The following ANKS1B variants were observed in gnomAD, a reference collection of about 807,000 sequenced individuals.
ANKS1B encodes ankyrin repeat and sterile alpha motif domain-containing protein 1B.
ANKS1B carries 36 observed loss-of-function variants against 148.3 expected under a neutral mutation model. The observed-to-expected ratio is 0.24, with a 90% confidence interval of 0.19 to 0.32. The LOEUF (loss-of-function observed/expected upper bound fraction) is 0.32. Among genes scored for constraint, ANKS1B ranks in the 10% least tolerant of loss-of-function variants. ANKS1B has a pLI of 1.00. For missense variants in ANKS1B, 1,157 were observed against 1,542.6 expected (o/e 0.75, Z 4.19); for synonymous variants, 542 against 560.8 (o/e 0.97, Z 0.47).
intron 17 of ANKS1B, among the ~76,000 whole-genome samples, chr12:98,837,613 C>T (rs183082044): frequency 8.7e-4 from 132 of 152,236 alleles, no homozygotes; most frequent in Middle Eastern, 3.4e-3. Context: ...TATAATATCA[C>T]GTCACTGCTG....
chr12:99,857,357 A>C (rs1426988883), intron 1 of ANKS1B, among the ~76,000 whole-genome samples: 3 of 152,202 alleles, frequency 2.0e-5, no homozygotes, highest in Non-Finnish European at 4.4e-5. Flanking sequence ...CTACAAGGAA[A>C]ACTACAAAAC....
intron 15 of ANKS1B, among the ~76,000 whole-genome samples, chr12:99,151,735 T>C (rs2074982004): frequency 6.6e-6 from 1 of 152,314 alleles, no homozygotes; most frequent in South Asian, 2.1e-4. Context: ...AAGTGACTTA[T>C]ATGGACACTT....
chr12:99,122,879 G>A (rs984519579), intron 15 of ANKS1B, among the ~76,000 whole-genome samples: 3 of 151,746 alleles, frequency 2.0e-5, no homozygotes, highest in African/African-American at 7.3e-5. Flanking sequence ...CTATCCATGT[G>A]TCCTTTGCCA....
chr12:98,868,112 G>T (rs61933625), intron 17 of ANKS1B, among the ~76,000 whole-genome samples: 11,888 of 152,166 alleles, frequency 0.078, 563 homozygotes, highest in Non-Finnish European at 0.1. Flanking sequence ...AACACATTCT[G>T]CATTGATTGA....
intron 17 of ANKS1B, among the ~76,000 whole-genome samples, chr12:99,052,797 A>G (rs2099967130): frequency 6.6e-6 from 1 of 151,190 alleles, no homozygotes; most frequent in African/African-American, 2.4e-5. Context: ...ATAGAAAACT[A>G]AAAAAATGAT....
chr12:99,536,944 A>G (rs1321139882), intron 9 of ANKS1B, among the ~76,000 whole-genome samples: 1 of 152,078 alleles, frequency 6.6e-6, no homozygotes, highest in African/African-American at 2.4e-5. Flanking sequence ...ACCATCCTCC[A>G]ACTCTCTATC....
intron 10 of ANKS1B, among the ~76,000 whole-genome samples, chr12:99,483,960 CATTA>C (rs2096452417): frequency 6.6e-6 from 1 of 151,700 alleles, no homozygotes; most frequent in African/African-American, 2.4e-5. Flanking sequence ...CTTTTTATTT[CATTA>C]ATCTCTTATA....
intron 12 of ANKS1B, among the ~76,000 whole-genome samples, chr12:99,333,661 C>T (rs2088034568): frequency 6.6e-6 from 1 of 151,912 alleles, no homozygotes; most frequent in Admixed American, 6.6e-5. Flanking sequence ...TCTCTATTTG[C>T]CTCTTTGGTT....
intron 1 of ANKS1B, among the ~76,000 whole-genome samples, chr12:99,923,540 G>C (rs897317479): frequency 1.3e-5 from 2 of 152,116 alleles, no homozygotes; most frequent in Admixed American, 6.6e-5. Context: ...AGGCCAGTAA[G>C]GAGTAATCCA....
chr12:99,052,910 C>A (rs1216336316), intron 17 of ANKS1B, among the ~76,000 whole-genome samples: 1 of 151,762 alleles, frequency 6.6e-6, no homozygotes, highest in East Asian at 1.9e-4. Context: ...AAAAGGAGAA[C>A]ACAAAAATGC....
intron 19 of ANKS1B, 108 bp from the exon 20 acceptor site, chr12:98,808,026 C>T: frequency 2.3e-6 from 2 of 860,416 alleles, no homozygotes; most frequent in Admixed American, 6.0e-5. Context: ...CAAAGAATCA[C>T]ATTTAAAAAA....
rs1391092359 is a variant in ANKS1B, at chr12:99,237,327, T to C, written c.2419+7015A>G. ...CCAGCTATATACATATATATGTATA[T>C]ATATGTGTGTGTATGTGTTTGTGTG... On this transcript the variant is annotated intron_variant, in intron 14 of 26. Coordinates refer to ENST00000683438, the MANE Select transcript of ANKS1B (RefSeq NM_001352186.2). Among the ~76,000 whole-genome samples the C allele has an allele frequency of 3.3e-5, 5 of 152,198 alleles. No individual in the cohort carries two copies. The East Asian group carries it at 7.7e-4, about 24-fold the overall frequency.
intron 12 of ANKS1B, among the ~76,000 whole-genome samples, chr12:99,255,715 C>T (rs1330848551): frequency 6.6e-6 from 1 of 152,046 alleles, no homozygotes; most frequent in East Asian, 1.9e-4. Context: ...TCTCCTTTAA[C>T]TCATTTCTCA....
intron 24 of ANKS1B, among the ~76,000 whole-genome samples, chr12:98,775,511 C>A (rs1285017574): frequency 6.6e-6 from 1 of 152,064 alleles, no homozygotes; most frequent in Non-Finnish European, 1.5e-5. Flanking sequence ...AGTGCAGTGG[C>A]ACCATCTCAG....
At chr12:99,124,330 T>C (rs1361980065) in intron 15 of ANKS1B, among the ~76,000 whole-genome samples, 3 of 151,792 alleles carry the variant, frequency 2.0e-5, no homozygotes, top group Admixed American at 2.0e-4. Context: ...ATGTGAAGTT[T>C]TTCTCTTGAG....
At chr12:99,881,941 A>G (rs967603602) in intron 1 of ANKS1B, among the ~76,000 whole-genome samples, 4 of 152,256 alleles carry the variant, frequency 2.6e-5, no homozygotes, top group African/African-American at 9.6e-5. Context: ...ATTTCAAATT[A>G]CATAGAGGAA....
At chr12:99,649,545 A>C in intron 9 of ANKS1B, 1 of 630,520 alleles carries the variant, frequency 1.6e-6, no homozygotes. Flanking sequence ...ATGTGGCTGC[A>C]ACCAAGTCTG....
At chr12:98,795,756 G>A in intron 22 of ANKS1B, 2 of 408,812 alleles carry the variant, frequency 4.9e-6, no homozygotes, top group Non-Finnish European at 9.6e-6. Context: ...CCAGTCTCTG[G>A]ATTCACAGTG....
At chr12:99,141,452 T>C (rs2070758567) in intron 15 of ANKS1B, among the ~76,000 whole-genome samples, 3 of 151,850 alleles carry the variant, frequency 2.0e-5, no homozygotes, top group Admixed American at 6.6e-5. Flanking sequence ...CTAGGGTATA[T>C]GTATAGGATG....
Sources: gnomAD v4.1 joint callset for allele counts (sites outside exome capture counted in the v4.1 genomes callset) on GRCh38, gnomAD v4.1.1 for gene constraint, MANE v1.5 for transcripts, NCBI Gene and HGNC (gene_info 2026-07-23, HGNC 2026-07-21) for gene names.